Variants in JADE3 observed in about 807,000 individuals in gnomAD.
JADE3 encodes protein Jade-3.
In JADE3, 2 loss-of-function variants were observed where a neutral mutation model predicts 50.1. That is an observed-to-expected ratio of 0.04 (90% CI 0.02 to 0.13). JADE3 has a LOEUF of 0.13. JADE3 is among the 10% of genes least tolerant of loss of function. JADE3 has a pLI of 1.00. For synonymous variants in JADE3, 218 were observed against 232.9 expected (o/e 0.94, Z 0.58); for missense variants, 475 against 634.4 (o/e 0.75, Z 2.70).
At chrX:47,003,032 A>G (rs1259386931) in intron 4 of JADE3, among the ~76,000 whole-genome samples, 3 of 111,962 alleles carry the variant, frequency 2.7e-5, no homozygotes, top group Non-Finnish European at 5.6e-5. Flanking sequence ...TTGTCAACTG[A>G]AATGATCCCT....
chrX:47,023,760 A>T (rs1602412550), intron 4 of JADE3, among the ~76,000 whole-genome samples: 1 of 111,869 alleles, frequency 8.9e-6, no homozygotes, highest in East Asian at 2.8e-4. Flanking sequence ...ACAAAAAATT[A>T]GCTGGGCGTG....
rs1733377509 is a variant in JADE3, at chrX:47,020,690, C to T, written c.285-4034C>T. Among the ~76,000 whole-genome samples the T allele has an allele frequency of 2.7e-5, 3 of 112,327 alleles. No individual in the cohort carries two copies. In the South Asian group the frequency reaches 1.1e-3, roughly 41 times the overall value. ...ACACGAGGAAAGATGAGTGAGATGACATTGCTGTCATTATCATTATTGTAA... is the reference window on the plus strand; with the variant it reads ...ACACGAGGAAAGATGAGTGAGATGATATTGCTGTCATTATCATTATTGTAA... On this transcript the variant is annotated intron_variant, in intron 4 of 10. Transcript: ENST00000614628.
chrX:46,947,518 G>T (rs1193332922), intron 1 of JADE3, among the ~76,000 whole-genome samples: 1 of 111,277 alleles, frequency 9.0e-6, no homozygotes, highest in Non-Finnish European at 1.9e-5. Flanking sequence ...AACTACAGTT[G>T]CTTGTTTTTA....
chrX:46,984,674 G>A (rs1269476853), intron 1 of JADE3, among the ~76,000 whole-genome samples: 1 of 112,165 alleles, frequency 8.9e-6, no homozygotes, highest in Non-Finnish European at 1.9e-5. Flanking sequence ...GGCTAATGTG[G>A]CCTTTCTTAG....
At chrX:47,050,185 C>T (rs1293632583) in intron 8 of JADE3, among the ~76,000 whole-genome samples, 1 of 110,458 alleles carries the variant, frequency 9.1e-6, no homozygotes, top group Non-Finnish European at 1.9e-5. Context: ...CCTCTTGCCT[C>T]AGCCTCCCAA....
At chrX:46,964,917 C>T (rs1003705764) in intron 1 of JADE3, among the ~76,000 whole-genome samples, 1 of 111,766 alleles carries the variant, frequency 8.9e-6, no homozygotes, top group Non-Finnish European at 1.9e-5. Context: ...GTTTGCTGAC[C>T]CCGATCTAAA....
intron 1 of JADE3, among the ~76,000 whole-genome samples, chrX:46,970,761 G>A (rs1349193944): frequency 9.0e-6 from 1 of 111,511 alleles, no homozygotes; most frequent in African/African-American, 3.3e-5. Context: ...ACGTTGTTAC[G>A]AAAACCTGGG....
intron 3 of JADE3, among the ~76,000 whole-genome samples, chrX:46,986,378 AT>A (rs1927863626): frequency 8.9e-6 from 1 of 112,265 alleles, no homozygotes; most frequent in African/African-American, 3.2e-5. Flanking sequence ...GAAAGATTTC[AT>A]TTTCTATCTC....
At chrX:46,968,649 A>G (rs1194300222) in intron 1 of JADE3, among the ~76,000 whole-genome samples, 2 of 111,683 alleles carry the variant, frequency 1.8e-5, no homozygotes, top group Non-Finnish European at 3.8e-5. Context: ...GGCTATACTA[A>G]TATCAGATAA....
intron 1 of JADE3, among the ~76,000 whole-genome samples, chrX:46,941,484 A>C (rs782009061): frequency 9.0e-6 from 1 of 111,554 alleles, no homozygotes; most frequent in East Asian, 2.8e-4. Flanking sequence ...TCCCCAAACC[A>C]CTTTCCACAG....
intron 8 of JADE3, among the ~76,000 whole-genome samples, chrX:47,052,742 T>C (rs964976336): frequency 1.7e-4 from 18 of 108,753 alleles, no homozygotes; most frequent in African/African-American, 5.4e-4. Flanking sequence ...AAACTAAATT[T>C]TTTAATTATA....
intron 4 of JADE3, among the ~76,000 whole-genome samples, chrX:47,006,277 C>G (rs1164866003): frequency 9.2e-6 from 1 of 109,288 alleles, no homozygotes; most frequent in Non-Finnish European, 1.9e-5. Context: ...TCACAGAACA[C>G]TCTTCTTATT....
intron 1 of JADE3, among the ~76,000 whole-genome samples, chrX:46,943,394 G>A (rs1556342656): frequency 9.0e-6 from 1 of 111,659 alleles, no homozygotes; most frequent in Non-Finnish European, 1.9e-5. Context: ...TTTATTGAAG[G>A]TTTTTATCAT....
chrX:46,977,759 C>T (rs375939151), intron 1 of JADE3, among the ~76,000 whole-genome samples: 1 of 111,505 alleles, frequency 9.0e-6, no homozygotes, highest in East Asian at 2.8e-4. Context: ...AAGGAAGGAG[C>T]AGCCAGTTAG....
intron 8 of JADE3, among the ~76,000 whole-genome samples, chrX:47,043,333 A>G (rs782013769): frequency 8.9e-6 from 1 of 112,453 alleles, no homozygotes; most frequent in African/African-American, 3.2e-5. Context: ...ACAAGCATCA[A>G]GACCATCCAG....
chrX:47,051,798 CA>C (rs1195278333), intron 8 of JADE3, among the ~76,000 whole-genome samples: 77 of 68,645 alleles, frequency 1.1e-3, no homozygotes, highest in East Asian at 9.5e-4. Context: ...CTCTGTCTCC[CA>C]AAAAAAAAAA....
At chrX:46,934,558 A>T (rs907632006) in intron 1 of JADE3, among the ~76,000 whole-genome samples, 8 of 110,662 alleles carry the variant, frequency 7.2e-5, no homozygotes, top group Non-Finnish European at 1.9e-5. Flanking sequence ...TCGGCCTCCC[A>T]AAGTGCTGGG....
chrX:46,929,515 T>C (rs1448378527), intron 1 of JADE3, among the ~76,000 whole-genome samples: 1 of 111,607 alleles, frequency 9.0e-6, no homozygotes, highest in Non-Finnish European at 1.9e-5. Context: ...TGTCACCATA[T>C]TCCAAGTCCG....
At chrX:46,915,854 AGGACCT>A (rs2147100084) in intron 1 of JADE3, among the ~76,000 whole-genome samples, 1 of 111,610 alleles carries the variant, frequency 9.0e-6, no homozygotes, top group Admixed American at 9.5e-5. Flanking sequence ...GACTGAATAA[AGGACCT>A]GGTGTGAGGA....
Sources: gnomAD v4.1 joint callset for allele counts (sites outside exome capture counted in the v4.1 genomes callset) on GRCh38, gnomAD v4.1.1 for gene constraint, MANE v1.5 for transcripts, NCBI Gene and HGNC (gene_info 2026-07-23, HGNC 2026-07-21) for gene names.